Variants in RBFOX1 observed in about 807,000 individuals in gnomAD.
RBFOX1 encodes the protein RNA binding protein fox-1 homolog 1.
In RBFOX1, 8 loss-of-function variants were observed where a neutral mutation model predicts 57.7. That is an observed-to-expected ratio of 0.14 (90% CI 0.08 to 0.25). The LOEUF (loss-of-function observed/expected upper bound fraction) is 0.25, where lower values mean the gene tolerates loss of function less well. Among genes scored for constraint, RBFOX1 ranks in the 10% least tolerant of loss-of-function variants. The pLI is 1.00. For synonymous variants in RBFOX1, 326 were observed against 222.4 expected, an observed-to-expected ratio of 1.47 and a Z score of -4.15; for missense variants, 611 against 548.5, an observed-to-expected ratio of 1.11 and a Z score of -1.14.
chr16:7,362,714 A>C (rs572436951), intron 4 of RBFOX1, among the ~76,000 whole-genome samples: 3 of 151,974 alleles, frequency 2.0e-5, no homozygotes, highest in Admixed American at 6.6e-5. Context: ...TATGCATGCT[A>C]GTGTGTGCAT....
intron 3 of RBFOX1, among the ~76,000 whole-genome samples, chr16:6,660,494 C>A (rs895321054): frequency 3.3e-5 from 5 of 152,096 alleles, no homozygotes; most frequent in Non-Finnish European, 5.9e-5. Flanking sequence ...ATCATGAGGC[C>A]ACGATTTGAG....
At chr16:6,291,741 T>C (rs1229917649) in intron 1 of RBFOX1, among the ~76,000 whole-genome samples, 1 of 152,222 alleles carries the variant, frequency 6.6e-6, no homozygotes, top group Admixed American at 6.5e-5. Context: ...ACATGAAAAT[T>C]GTATACTTCT....
At chr16:6,753,296 A>T (rs2075261794) in intron 3 of RBFOX1, among the ~76,000 whole-genome samples, 1 of 152,222 alleles carries the variant, frequency 6.6e-6, no homozygotes, top group Non-Finnish European at 1.5e-5. Flanking sequence ...TGTTTGCTGT[A>T]AAATTCTTTC....
intron 4 of RBFOX1, among the ~76,000 whole-genome samples, chr16:7,241,957 A>G (rs1054825922): frequency 1.5e-4 from 23 of 152,126 alleles, no homozygotes; most frequent in African/African-American, 5.3e-4. Context: ...ATGCGTGTGT[A>G]TATATTTAAG....
chr16:7,411,662 G>C (rs2098426454), intron 4 of RBFOX1, among the ~76,000 whole-genome samples: 1 of 152,000 alleles, frequency 6.6e-6, no homozygotes, highest in Non-Finnish European at 1.5e-5. Flanking sequence ...CCAGCACTTT[G>C]GGTGGCCAAG....
chr16:7,519,728 T>C (rs1026666257), intron 5 of RBFOX1: 8 of 984,838 alleles, frequency 8.1e-6, no homozygotes, highest in East Asian at 2.3e-4. Flanking sequence ...CAATTCTGCC[T>C]CTTCGTCCTG....
At chr16:6,806,015 C>G (rs573859336) in intron 3 of RBFOX1, among the ~76,000 whole-genome samples, 2 of 152,142 alleles carry the variant, frequency 1.3e-5, no homozygotes, top group South Asian at 2.1e-4. Flanking sequence ...TGTGGGTATT[C>G]ATACTCAAAA....
intron 2 of RBFOX1, among the ~76,000 whole-genome samples, chr16:6,477,103 G>A (rs2095285677): frequency 6.6e-6 from 1 of 152,120 alleles, no homozygotes; most frequent in African/African-American, 2.4e-5. Flanking sequence ...TTCCTCCACT[G>A]AAGTCTTGAA....
At position 7,555,096 on chromosome 16, in the gene RBFOX1, G is replaced by C. The variant is rs2087908307; in HGVS notation, c.271-24681G>C. Among the ~76,000 whole-genome samples, 3 of 152,236 alleles carry C rather than the reference G, an allele frequency of 2.0e-5. No homozygotes were observed. The South Asian group carries it at 6.2e-4, about 32-fold the overall frequency. On this transcript the variant is annotated intron_variant, in intron 5 of 15. Transcript: ENST00000550418. ...TTGCTATTGTTGTGAGTAGGGTAAG[G>C]GGGGGTTTTTAGTAGAAGCCCATTA...
Position 7,589,134 on chromosome 16 carries a change from C to G in RBFOX1, c.468+1834C>G, listed in dbSNP as rs554406672. On this transcript the variant is annotated intron_variant, in intron 7 of 15. Transcript: ENST00000550418. ...TGTGCCCAGCCTAATTCTGTTCACT[C>G]GAGCCTTCTGTATTCTTGGCGAAAT... 2.6e-5 allele frequency among the ~76,000 whole-genome samples: 4 copies of G among 152,186 alleles called. No individual in the cohort carries two copies. In the East Asian group the frequency reaches 7.7e-4, roughly 29 times the overall value.
chr16:6,953,116 TGAGTA>T (rs1412188972), intron 3 of RBFOX1, among the ~76,000 whole-genome samples: 16 of 152,294 alleles, frequency 1.1e-4, no homozygotes, highest in African/African-American at 3.8e-4. Flanking sequence ...GGTCTGCGAC[TGAGTA>T]GAACTTAGGT....
intron 4 of RBFOX1, among the ~76,000 whole-genome samples, chr16:5,962,735 C>G (rs973993743): frequency 6.6e-6 from 1 of 151,592 alleles, no homozygotes; most frequent in Non-Finnish European, 1.5e-5. Context: ...GTGTGTATAG[C>G]CTGTTTCTTG....
At chr16:5,540,842 A>G (rs2044909771) in intron 2 of RBFOX1, among the ~76,000 whole-genome samples, 1 of 152,106 alleles carries the variant, frequency 6.6e-6, no homozygotes, top group South Asian at 2.1e-4. Flanking sequence ...CTGAATCTGC[A>G]GTTTTTTAAA....
rs1237437566 is a variant in RBFOX1 at position 6,296,567 on chromosome 16, T to C, written c.-126-20428T>C. 4.6e-5 allele frequency among the ~76,000 whole-genome samples: 7 copies of C among 152,064 alleles called. No individual in the cohort carries two copies. The East Asian group carries it at 1.2e-3, about 25-fold the overall frequency. ...TCCCGTGTAGCTGGGACTACAGGCG[T>C]CCACCACCACACCTGGCTAATCTTT... On this transcript the variant is annotated intron_variant, in intron 1 of 15. Coordinates refer to ENST00000550418, the MANE Select transcript of RBFOX1 (RefSeq NM_018723.4).
intron 4 of RBFOX1, among the ~76,000 whole-genome samples, chr16:7,350,508 T>G (rs2097108939): frequency 6.6e-6 from 1 of 152,104 alleles, no homozygotes; most frequent in Admixed American, 6.5e-5. Flanking sequence ...GAATTTCAAG[T>G]AGGAGAACAC....
intron 1 of RBFOX1, among the ~76,000 whole-genome samples, chr16:6,291,211 C>T (rs112796726): frequency 0.039 from 5,900 of 152,242 alleles, 387 homozygotes; most frequent in African/African-American, 0.13. Flanking sequence ...TTTGTGCCAA[C>T]CTCTTATCTC....
At chr16:5,863,228 C>G (rs183985990) in intron 3 of RBFOX1, among the ~76,000 whole-genome samples, 39 of 152,232 alleles carry the variant, frequency 2.6e-4, no homozygotes, top group Admixed American at 6.5e-4. Context: ...GCAGAGAAAC[C>G]GAAGGAGAGG....
At chr16:7,424,503 A>C (rs1017995197) in intron 4 of RBFOX1, among the ~76,000 whole-genome samples, 1 of 152,070 alleles carries the variant, frequency 6.6e-6, no homozygotes, top group African/African-American at 2.4e-5. Flanking sequence ...CATGTGATCC[A>C]CCCACCTCGG....
chr16:7,563,030 C>G (rs747224235), intron 5 of RBFOX1, among the ~76,000 whole-genome samples: 1 of 152,196 alleles, frequency 6.6e-6, no homozygotes, highest in Non-Finnish European at 1.5e-5. Flanking sequence ...CTGTGCCACA[C>G]TGCCTCCCAT....
Sources: allele counts gnomAD v4.1 joint callset (sites outside exome capture counted in the v4.1 genomes callset), GRCh38; gene constraint gnomAD v4.1.1; transcripts MANE v1.5; gene names NCBI Gene and HGNC (gene_info 2026-07-23, HGNC 2026-07-21).